NOX4: variants seen among roughly 807,000 people sequenced by gnomAD.
The protein encoded by NOX4 is kidney oxidase-1.
Under a neutral mutation model 87.6 loss-of-function variants are expected in NOX4, and 69 were observed. The ratio of observed to expected loss-of-function variants is 0.79; its 90% CI spans 0.65 to 0.96. NOX4 has a LOEUF of 0.96. NOX4 is among the 40% of genes least tolerant of loss of function. The probability of loss-of-function intolerance (pLI) is 0.00; values close to 1 mark genes in which losing one functional copy is unlikely to be tolerated. For synonymous variants in NOX4, 275 were observed against 238.2 expected (o/e 1.15, Z -1.42); for missense variants, 680 against 681.5 (o/e 1.00, Z 0.02).
chr11:89,330,905 T>C (rs1465673189), intron 17 of NOX4, among the ~76,000 whole-genome samples: 1 of 152,038 alleles, frequency 6.6e-6, no homozygotes, highest in East Asian at 1.9e-4. Flanking sequence ...TAGTTAATTA[T>C]TTCAATACTC....
chr11:89,566,604 G>T, the NOX4 span, among the ~76,000 whole-genome samples: 43 of 152,242 alleles, frequency 2.8e-4, no homozygotes, highest in East Asian at 5.6e-3. Context: ...GCAAAAAAGC[G>T]AGAGGAGCCA....
chr11:89,407,064 T>C (rs145402564), intron 8 of NOX4, among the ~76,000 whole-genome samples: 210 of 152,234 alleles, frequency 1.4e-3, no homozygotes, highest in African/African-American at 4.7e-3. Context: ...TTATCCCTTA[T>C]ACATTCATAC....
At chr11:89,347,351 CT>C (rs1189349640) in intron 13 of NOX4, among the ~76,000 whole-genome samples, 8 of 152,230 alleles carry the variant, frequency 5.3e-5, no homozygotes, top group Non-Finnish European at 1.0e-4. Context: ...GCCTTTCCCC[CT>C]GCCCTGAGGC....
chr11:89,471,037 T>G lies in NOX4; in HGVS notation c.154-19142A>C, dbSNP rs186146084. 3.1e-3 allele frequency among the ~76,000 whole-genome samples: 478 copies of G among 152,242 alleles called. 2 individuals carry two copies. Among genetic ancestry groups the G allele is most frequent in the African/African-American group, 9.5e-3 (394 of 41,556 alleles). ...TGAAGAAAGTGTCCGAGTGTCACTT[T>G]CTCTGTAAGGGCTTGCTAGGGCCCA... On this transcript the variant is annotated intron_variant, in intron 2 of 17. Coordinates refer to ENST00000263317, the MANE Select transcript of NOX4 (RefSeq NM_016931.5).
At chr11:89,336,514 T>G (rs144346855) in intron 16 of NOX4, among the ~76,000 whole-genome samples, 2 of 151,884 alleles carry the variant, frequency 1.3e-5, no homozygotes, top group African/African-American at 4.8e-5. Flanking sequence ...AACTCCAAAA[T>G]TGGGTCTATC....
chr11:89,460,413 C>G (rs1316240186), intron 2 of NOX4, among the ~76,000 whole-genome samples: 3 of 152,186 alleles, frequency 2.0e-5, no homozygotes, highest in Non-Finnish European at 4.4e-5. Context: ...TTCTACCTAT[C>G]TGACAAAGGG....
At chr11:89,453,772 A>G (rs1945067204) in intron 2 of NOX4, among the ~76,000 whole-genome samples, 1 of 152,186 alleles carries the variant, frequency 6.6e-6, no homozygotes, top group South Asian at 2.1e-4. Flanking sequence ...AAAGTTGTGG[A>G]GCCAGAATTC....
intron 7 of NOX4, among the ~76,000 whole-genome samples, chr11:89,429,684 C>T (rs909948937): frequency 1.3e-5 from 2 of 152,136 alleles, no homozygotes; most frequent in African/African-American, 4.8e-5. Flanking sequence ...CCTGAATAGA[C>T]CAATAACAGG....
At chr11:89,567,011 G>A in the NOX4 span, among the ~76,000 whole-genome samples, 1 of 152,146 alleles carries the variant, frequency 6.6e-6, no homozygotes, top group African/African-American at 2.4e-5. Context: ...CTACAGTAGA[G>A]CATAGCCAGG....
In NOX4 at chr11:89,340,046, A is replaced by C. The variant is rs1945908175; in HGVS notation, c.1446+17T>G. The stretch of plus-strand genomic sequence containing the variant: ...TAATTTGAAAAATTGCAAAACTAGA[A>C]CCAACCCTAATGTTACCTTGTTATG... On this transcript the variant is annotated intron_variant, in intron 15 of 17. Coordinates refer to ENST00000263317, the MANE Select transcript of NOX4 (RefSeq NM_016931.5). 7.1e-7 allele frequency: 1 copy of C among 1,408,720 alleles called. No individual in the cohort carries two copies. The highest frequency in any genetic ancestry group is 2.6e-5 in the East Asian group (1 of 38,138). The allele number at this position is 1,408,720 out of a possible 1,614,324, so 87.3% of individuals were successfully genotyped here.
At chr11:89,496,707 T>C (rs1205224666), upstream of NOX4, among the ~76,000 whole-genome samples, 3 of 152,182 alleles carry the variant, frequency 2.0e-5, no homozygotes, top group African/African-American at 7.2e-5. Flanking sequence ...TCTGTGTTTA[T>C]TAAAGAAAAT....
the NOX4 span, among the ~76,000 whole-genome samples, chr11:89,521,643 C>G: frequency 7.9e-5 from 12 of 151,396 alleles, no homozygotes; most frequent in Non-Finnish European, 1.3e-4. Flanking sequence ...TGATTAAGTC[C>G]TCAAAAGCAA....
chr11:89,438,889 T>A lies in NOX4; in HGVS notation c.475+1799A>T, dbSNP rs1189869196. On this transcript the variant is annotated intron_variant, in intron 6 of 17. Transcript: ENST00000263317. ...ATTATATATATAATATATAATATAT[T>A]ATATATTATATATATAATATATAAT... is the stretch of plus-strand genomic sequence containing the variant. Among the ~76,000 whole-genome samples, 70 of 41,266 alleles carry A rather than the reference T, an allele frequency of 1.7e-3. 1 individual carries two copies. The highest frequency in any genetic ancestry group is 3.0e-3 in the African/African-American group (19 of 6,252). 27.1% of individuals were successfully genotyped at this position (41,266 alleles called of 152,430 possible).
chr11:89,527,101 C>T, the NOX4 span, among the ~76,000 whole-genome samples: 1 of 152,172 alleles, frequency 6.6e-6, no homozygotes, highest in African/African-American at 2.4e-5. Flanking sequence ...AACAAAGAGA[C>T]TGGTGAAATT....
chr11:89,339,269 G>A (rs572920620), intron 15 of NOX4, among the ~76,000 whole-genome samples: 269 of 152,168 alleles, frequency 1.8e-3, no homozygotes, highest in African/African-American at 6.1e-3. Flanking sequence ...CTAACTGTTG[G>A]CACAGGGAAA....
chr11:89,393,541 T>C (rs317154), intron 11 of NOX4, among the ~76,000 whole-genome samples: 1 of 152,242 alleles, frequency 6.6e-6, no homozygotes, highest in Non-Finnish European at 1.5e-5. Context: ...CACATGCTCA[T>C]GTCTTGTACT....
intron 8 of NOX4, among the ~76,000 whole-genome samples, chr11:89,414,971 T>C (rs1028879254): frequency 6.6e-6 from 1 of 151,950 alleles, no homozygotes; most frequent in African/African-American, 2.4e-5. Flanking sequence ...AAATAAATAA[T>C]TCAATAATTC....
intron 6 of NOX4, among the ~76,000 whole-genome samples, chr11:89,438,119 G>A (rs1944176142): frequency 6.7e-6 from 1 of 150,322 alleles, no homozygotes; most frequent in African/African-American, 2.5e-5. Flanking sequence ...CCACTCATGG[G>A]GACCTCTGGG....
chr11:89,547,165 A>G, the NOX4 span, among the ~76,000 whole-genome samples: 8 of 152,102 alleles, frequency 5.3e-5, no homozygotes, highest in African/African-American at 1.9e-4. Context: ...ACTACTGACT[A>G]TACCAAATTA....
Sources: allele counts gnomAD v4.1 joint callset (sites outside exome capture counted in the v4.1 genomes callset), GRCh38; gene constraint gnomAD v4.1.1; transcripts MANE v1.5; gene names NCBI Gene and HGNC (gene_info 2026-07-23, HGNC 2026-07-21).